DIXDC1: variants seen among roughly 807,000 people sequenced by gnomAD.
DIXDC1 encodes the protein dixin.
DIXDC1 carries 64 observed loss-of-function variants against 103.1 expected under a neutral mutation model. The ratio of observed to expected loss-of-function variants is 0.62; its 90% CI spans 0.51 to 0.76. The LOEUF is 0.76. Among genes scored for constraint, DIXDC1 ranks in the 30% least tolerant of loss-of-function variants. The probability of loss-of-function intolerance (pLI) is 0.00; values close to 1 mark genes in which losing one functional copy is unlikely to be tolerated. For missense variants in DIXDC1, 759 were observed against 834.2 expected (o/e 0.91, Z 1.11); for synonymous variants, 266 against 298.5 (o/e 0.89, Z 1.12).
At chr11:112,001,026 C>G (rs1421122829) in intron 17 of DIXDC1, among the ~76,000 whole-genome samples, 1 of 152,056 alleles carries the variant, frequency 6.6e-6, no homozygotes, top group African/African-American at 2.4e-5. Context: ...TCACAATATT[C>G]GAAAGGTAGA....
intron 1 of DIXDC1, among the ~76,000 whole-genome samples, chr11:111,945,358 G>A (rs1966557270): frequency 6.6e-6 from 1 of 152,214 alleles, no homozygotes; most frequent in Non-Finnish European, 1.5e-5. Context: ...GGATTGGCTG[G>A]CTTTCACCAA....
chr11:111,932,645 G>A (rs1966066571), upstream of DIXDC1, among the ~76,000 whole-genome samples: 1 of 151,772 alleles, frequency 6.6e-6, no homozygotes, highest in South Asian at 2.1e-4. Context: ...GCTTTGGTGT[G>A]GTTTATATTA....
chr11:111,955,881 T>C (rs1859340427), intron 1 of DIXDC1, among the ~76,000 whole-genome samples: 1 of 143,772 alleles, frequency 7.0e-6, no homozygotes, highest in South Asian at 2.2e-4. Context: ...GTGATATTTA[T>C]ATACTTGTAT....
chr11:112,015,186 A>G (rs1032609395), intron 17 of DIXDC1: 7 of 152,184 alleles, frequency 4.6e-5, no homozygotes, highest in African/African-American at 1.4e-4. Context: ...CGCCTGGCCA[A>G]TTAGCATTCT....
At chr11:112,002,686 G>A (rs1555176137) in intron 17 of DIXDC1, among the ~76,000 whole-genome samples, 1 of 152,146 alleles carries the variant, frequency 6.6e-6, no homozygotes, top group Non-Finnish European at 1.5e-5. Flanking sequence ...TATTCAGGGG[G>A]CTGCGGTGGA....
chr11:111,973,155 G>C (rs1355944673), intron 3 of DIXDC1, among the ~76,000 whole-genome samples: 1 of 151,554 alleles, frequency 6.6e-6, no homozygotes, highest in Non-Finnish European at 1.5e-5. Context: ...TGGATCACCT[G>C]AGGTCATGAG....
chr11:111,940,685 G>A (rs587727223), intron 1 of DIXDC1, among the ~76,000 whole-genome samples: 1 of 152,230 alleles, frequency 6.6e-6, no homozygotes, highest in East Asian at 1.9e-4. Context: ...GAAAGGGGAT[G>A]GATAAAAGAA....
intron 17 of DIXDC1, among the ~76,000 whole-genome samples, chr11:112,013,581 C>G (rs1291135595): frequency 5.3e-5 from 8 of 152,224 alleles, no homozygotes; most frequent in Admixed American, 3.3e-4. Flanking sequence ...TACCATGTAT[C>G]TGTCTTCCCA....
intron 1 of DIXDC1, among the ~76,000 whole-genome samples, chr11:111,963,228 C>T (rs1258178307): frequency 6.6e-6 from 1 of 152,180 alleles, no homozygotes. Flanking sequence ...ATGTCAGGCC[C>T]TGGCCCAGGT....
intron 12 of DIXDC1, 91 bp from the exon 13 acceptor site, chr11:111,993,405 A>T (rs587641441): frequency 1.4e-6 from 2 of 1,394,124 alleles, no homozygotes; most frequent in African/African-American, 2.8e-5. Context: ...CTGAGGCTCT[A>T]CTTTACTTGA....
chr11:111,937,329 C>T, upstream of DIXDC1: 1 of 1,396,802 alleles, frequency 7.2e-7, no homozygotes, highest in Non-Finnish European at 9.3e-7. Flanking sequence ...CGAGCATGCC[C>T]AGTGCAAGCC....
chr11:111,931,419 G>C (rs1427533015), intron 2 of DIXDC1, among the ~76,000 whole-genome samples: 4 of 152,114 alleles, frequency 2.6e-5, no homozygotes, highest in African/African-American at 7.2e-5. Context: ...GGAGGCTGAG[G>C]GGGGTGGATC....
chr11:111,987,563 T>A (rs1860535463), intron 9 of DIXDC1, among the ~76,000 whole-genome samples: 1 of 152,112 alleles, frequency 6.6e-6, no homozygotes, highest in Non-Finnish European at 1.5e-5. Flanking sequence ...GGTCAGTGAT[T>A]CCTAGCTTTT....
chr11:111,971,631 C>T (rs782572357), intron 3 of DIXDC1, among the ~76,000 whole-genome samples: 1 of 152,152 alleles, frequency 6.6e-6, no homozygotes, highest in African/African-American at 2.4e-5. Context: ...CACATGCACC[C>T]GTAGGTTCAT....
chr11:111,968,855 A>C (rs1209996417), intron 3 of DIXDC1, among the ~76,000 whole-genome samples: 1 of 151,984 alleles, frequency 6.6e-6, no homozygotes, highest in African/African-American at 2.4e-5. Flanking sequence ...GTTCACTGCA[A>C]CCTTTGCCTC....
intron 1 of DIXDC1, among the ~76,000 whole-genome samples, chr11:111,957,173 A>G (rs1421243533): frequency 6.6e-6 from 1 of 152,132 alleles, no homozygotes; most frequent in Non-Finnish European, 1.5e-5. Flanking sequence ...CCCTGTCTCA[A>G]AAAATAATAG....
chr11:111,963,873 A>G (rs1339771503), intron 1 of DIXDC1, among the ~76,000 whole-genome samples: 2 of 152,202 alleles, frequency 1.3e-5, no homozygotes, highest in Non-Finnish European at 1.5e-5. Flanking sequence ...ATTGCTCACT[A>G]TAGCCTTTCT....
At chr11:111,969,570 C>T (rs782349141) in intron 3 of DIXDC1, among the ~76,000 whole-genome samples, 2 of 152,116 alleles carry the variant, frequency 1.3e-5, no homozygotes, top group African/African-American at 2.4e-5. Context: ...TGAGCCCAGG[C>T]TTCAAGGGAG....
intron 5 of DIXDC1, among the ~76,000 whole-genome samples, chr11:111,978,327 TG>T (rs1175883744): frequency 3.9e-5 from 6 of 152,188 alleles, no homozygotes; most frequent in African/African-American, 1.2e-4. Context: ...TTTTCTGACC[TG>T]GGGCAGAGGA....
Sources: gnomAD v4.1 joint callset for allele counts (sites outside exome capture counted in the v4.1 genomes callset) on GRCh38, gnomAD v4.1.1 for gene constraint, MANE v1.5 for transcripts, NCBI Gene and HGNC (gene_info 2026-07-23, HGNC 2026-07-21) for gene names.